The following ZNF667 variants were observed in gnomAD, a reference collection of about 807,000 sequenced individuals.
ZNF667 encodes myocardial ischemic preconditioning upregulated 1 ortholog.
ZNF667 carries 13 observed loss-of-function variants against 31.8 expected under a neutral mutation model. The observed-to-expected ratio is 0.41, with a 90% CI of 0.27 to 0.65. The LOEUF (loss-of-function observed/expected upper bound fraction) is 0.65. Ranked by LOEUF, ZNF667 falls within the 30% of genes least tolerant of loss-of-function variation. ZNF667 has a pLI of 0.32. For synonymous variants in ZNF667, 228 were observed against 247.1 expected (o/e 0.92, Z 0.73); for missense variants, 642 against 725.6 (o/e 0.88, Z 1.32).
Position 56,462,217 on chromosome 19 carries a change from C to T in ZNF667, c.33+121G>A, listed in dbSNP as rs1002079064. On this transcript the variant is annotated intron_variant, in intron 4 of 6. Transcript: ENST00000504904. ...ATCCCTCATGGCAACGGGAGAAAAC[C>T]AAAGACTAGGTGTTGGATGGATCTC... The T allele has an allele frequency of 3.9e-6, 5 of 1,293,632 alleles. No individual in the cohort carries two copies. In the African/African-American group the frequency reaches 7.3e-5, roughly 19 times the overall value. 80.1% of individuals were successfully genotyped at this position (1,293,632 alleles called of 1,614,324 possible). A position where few individuals can be genotyped will look rare whatever the true frequency, so the allele number is the denominator to read the frequency against.
Position 56,439,991 on chromosome 19 carries a change from C to G in ZNF667, c.*1171G>C, listed in dbSNP as rs2042570265. 6.6e-6 allele frequency: 1 copy of G among 152,202 alleles called. No homozygotes were observed. The highest frequency in any genetic ancestry group is 2.4e-5 in the African/African-American group (1 of 41,442). 9.4% of individuals were successfully genotyped at this position (152,202 alleles called of 1,614,324 possible). ...CTTCTTATAAAGGCACTAATCCCAT[C>G]ACGAGGGCTCCACCCTCATGACCTC... On this transcript the variant is annotated 3_prime_UTR_variant, in exon 7 of 7. Transcript: ENST00000504904.
At chr19:56,447,827 G>A (rs1028412618) in intron 6 of ZNF667, among the ~76,000 whole-genome samples, 1 of 152,142 alleles carries the variant, frequency 6.6e-6, no homozygotes, top group Non-Finnish European at 1.5e-5. Context: ...GTTGCAGTGA[G>A]CTGAGATGGT....
chr19:56,461,799 A>G lies in ZNF667; in HGVS notation c.33+539T>C, dbSNP rs191703678. ...GCATGCTGACCACAGGAGGCTACGC[A>G]TACAACCTCACTGCCTGCACCAGTG... On this transcript the variant is annotated intron_variant, in intron 4 of 6. Coordinates refer to ENST00000504904, the MANE Select transcript of ZNF667 (RefSeq NM_001321356.2). Among the ~76,000 whole-genome samples the G allele has an allele frequency of 3.9e-4, 59 of 152,382 alleles. 1 individual carries two copies. The highest frequency in any genetic ancestry group is 7.3e-4 in the Non-Finnish European group (50 of 68,028).
At chr19:56,462,605 G>A (rs2043070620) in intron 3 of ZNF667, among the ~76,000 whole-genome samples, 176 bp from the exon 4 acceptor site, 1 of 152,182 alleles carries the variant, frequency 6.6e-6, no homozygotes, top group Non-Finnish European at 1.5e-5. Flanking sequence ...GTCAGGGAAG[G>A]GCACGGCCAA....
At chr19:56,464,780 G>A (rs996859309) in intron 3 of ZNF667, among the ~76,000 whole-genome samples, 16 of 152,126 alleles carry the variant, frequency 1.1e-4, no homozygotes, top group African/African-American at 1.7e-4. Flanking sequence ...TTTGTTCACC[G>A]CTCTACTCCC....
rs1294989124 is a variant in ZNF667, at chr19:56,441,344, C to T, written c.1651G>A (p.Gly551Arg). 6.2e-7 allele frequency: 1 copy of T among 1,614,126 alleles called. No homozygotes were observed. The highest frequency in any genetic ancestry group is 2.2e-5 in the East Asian group (1 of 44,858). ...SLILHERSHT[G>R]EKPYECNECG... ...TCATTACATTCATAGGGTTTCTCTC[C>T]AGTATGACTTCTTTCATGTAGAATA... The change falls in exon 7 of 7, where the codon GGA (glycine) becomes AGA (arginine). Residue 551 changes from glycine (G) to arginine (R), a missense_variant. Coordinates refer to ENST00000504904, the MANE Select transcript of ZNF667 (RefSeq NM_001321356.2). The surrounding 1 kb of genome is among the most constrained non-coding windows in gnomAD (Gnocchi z 4.2).
At chr19:56,466,307 C>T (rs1384590676) in intron 3 of ZNF667, among the ~76,000 whole-genome samples, 1 of 152,194 alleles carries the variant, frequency 6.6e-6, no homozygotes, top group East Asian at 1.9e-4. Context: ...GGTGGCCCTG[C>T]AGACTCCGAA....
At chr19:56,447,512 G>T (rs1052616613) in intron 6 of ZNF667, among the ~76,000 whole-genome samples, 4 of 152,042 alleles carry the variant, frequency 2.6e-5, no homozygotes, top group African/African-American at 9.7e-5. Context: ...TTGAGCCCAG[G>T]AGTTTAAGGT....
intron 3 of ZNF667, among the ~76,000 whole-genome samples, chr19:56,470,647 G>A (rs1003185260): frequency 2.0e-5 from 3 of 152,112 alleles, no homozygotes; most frequent in South Asian, 2.1e-4. Flanking sequence ...AAATGCTTCC[G>A]GAAAACATCC....
chr19:56,467,197 T>TG (rs1378253799), intron 3 of ZNF667: 21 of 352,776 alleles, frequency 6.0e-5, no homozygotes, highest in African/African-American at 2.0e-4. Flanking sequence ...GGGAATGGGG[T>TG]GGGGGGGAAA....
intron 6 of ZNF667, among the ~76,000 whole-genome samples, chr19:56,451,868 CAAAAAAA>C (rs71184363): frequency 1.4e-4 from 11 of 80,974 alleles, no homozygotes; most frequent in Non-Finnish European, 1.8e-4. Flanking sequence ...GACCCTGTCT[CAAAAAAA>C]AAAAAAAAAA....
chr19:56,457,578 T>C (rs1195277537), intron 6 of ZNF667, among the ~76,000 whole-genome samples: 1 of 152,210 alleles, frequency 6.6e-6, no homozygotes, highest in African/African-American at 2.4e-5. Flanking sequence ...AGAAGAGTGC[T>C]TGATACCTAG....
intron 6 of ZNF667, among the ~76,000 whole-genome samples, chr19:56,454,051 A>C (rs2042886197): frequency 1.3e-5 from 2 of 152,206 alleles, no homozygotes; most frequent in Non-Finnish European, 2.9e-5. Flanking sequence ...AACAGTGAGC[A>C]ATCTGAAAAA....
In ZNF667 at chr19:56,440,876, G is replaced by C; in HGVS notation, c.*286C>G. The C allele has an allele frequency of 8.8e-7, 1 of 1,141,196 alleles. No individual in the cohort carries two copies. Among genetic ancestry groups the C allele is most frequent in the South Asian group, 2.9e-5 (1 of 34,276 alleles). The allele number at this position is 1,141,196 out of a possible 1,614,324, so 70.7% of individuals were successfully genotyped here. A position where few individuals can be genotyped will look rare whatever the true frequency, so the allele number is the denominator to read the frequency against. Reference sequence around the variant, plus strand: ...TTGACCTCGTGATCCGCCTGTCTCAGCCTCCCAAAGTGCTGGGGTTACAGG... The same window carrying C: ...TTGACCTCGTGATCCGCCTGTCTCACCCTCCCAAAGTGCTGGGGTTACAGG... On this transcript the variant is annotated 3_prime_UTR_variant, in exon 7 of 7. Transcript: ENST00000504904.
intron 2 of ZNF667, 199 bp from the exon 3 acceptor site, chr19:56,472,386 CTTCCTT>C (rs1203937708): frequency 6.6e-6 from 1 of 152,122 alleles, no homozygotes; most frequent in African/African-American, 2.4e-5. Context: ...CATTGCTTGC[CTTCCTT>C]TTCCTTTTCA....
chr19:56,442,486 T>C lies in ZNF667; in HGVS notation c.509A>G (p.Lys170Arg), dbSNP rs750252049. 52 of 1,613,666 alleles carry C rather than the reference T, an allele frequency of 3.2e-5. No individual in the cohort carries two copies. The highest frequency in any genetic ancestry group is 4.1e-5 in the Non-Finnish European group (48 of 1,179,818). The change falls in exon 7 of 7, where the codon AAG (lysine) becomes AGG (arginine). Residue 170 changes from lysine to arginine, a missense_variant. Transcript: ENST00000504904. Reference sequence around the variant, plus strand: ...TCTACAATTACTGCATTCAAAAGGCTTCTCTCCTGTATGAATGTTCTGATG... The same window carrying C: ...TCTACAATTACTGCATTCAAAAGGCCTCTCTCCTGTATGAATGTTCTGATG... The part of the protein sequence containing the change: ...KLHQNIHTGE[K>R]PFECSNCRKA...
chr19:56,451,884 A>C (rs866616092), intron 6 of ZNF667, among the ~76,000 whole-genome samples: 27 of 143,906 alleles, frequency 1.9e-4, no homozygotes, highest in African/African-American at 6.9e-4. Context: ...AAAAAAAAAA[A>C]AAAAAAAAAA....
upstream of ZNF667, chr19:56,478,043 T>G (rs2043455750): frequency 6.6e-6 from 1 of 152,462 alleles, no homozygotes. Flanking sequence ...CTGCACGTTT[T>G]GCGAAGAGGC....
In ZNF667 at chr19:56,458,164, G is replaced by T. The variant is rs760386283; in HGVS notation, c.244C>A (p.Arg82=). 1 of 1,614,114 alleles carries T rather than the reference G, an allele frequency of 6.2e-7. No homozygotes were observed. Among genetic ancestry groups the T allele is most frequent in the South Asian group, 1.1e-5 (1 of 91,078 alleles). The change falls in exon 6 of 7, where the codon CGG becomes AGG. Residue 82 remains arginine (R), a synonymous_variant. Transcript: ENST00000504904. ...GTTCTCTGTCACTCACCAGGAGCCC[G>T]GCGTCTTCTTACTGGCTCTACCATC... is the stretch of plus-strand genomic sequence containing the variant. The part of the protein sequence containing the change: ...PWMVEPVRRR[R]APDSGSKCET...
Sources: allele counts gnomAD v4.1 joint callset (sites outside exome capture counted in the v4.1 genomes callset), GRCh38; gene constraint gnomAD v4.1.1; non-coding constraint Gnocchi (gnomAD v3.1); transcripts MANE v1.5; gene names NCBI Gene and HGNC (gene_info 2026-07-23, HGNC 2026-07-21).